Variants in OPA1 observed in about 807,000 individuals in gnomAD.
OPA1 encodes the protein OPA1 mitochondrial dynamin like GTPase.
In OPA1, 59 loss-of-function variants were observed where a neutral mutation model predicts 152.9. That is an observed-to-expected ratio of 0.39 (90% CI 0.31 to 0.48). The LOEUF (loss-of-function observed/expected upper bound fraction) is 0.48. Ranked by LOEUF, OPA1 falls within the 20% of genes least tolerant of loss-of-function variation. OPA1 has a pLI of 0.96. For synonymous variants in OPA1, 400 were observed against 389.9 expected (o/e 1.03, Z -0.31); for missense variants, 1,008 against 1,216.8 (o/e 0.83, Z 2.55).
chr3:193,692,037 G>A, intron 29 of OPA1, 26 bp from the exon 30 acceptor site: 1 of 1,316,062 alleles, frequency 7.6e-7, no homozygotes, highest in Non-Finnish European at 1.1e-6. Context: ...AAAAATAAAT[G>A]TTTTTCTTTA....
intron 3 of OPA1, 70 bp from the exon 4 acceptor site, chr3:193,617,108 A>C (rs1729147003): frequency 1.1e-5 from 10 of 909,658 alleles, no homozygotes; most frequent in African/African-American, 1.7e-5. Flanking sequence ...TTAATACTTT[A>C]GCCCTTTATA....
At chr3:193,645,255 T>G (rs563169137) in intron 16 of OPA1, among the ~76,000 whole-genome samples, 2 of 152,306 alleles carry the variant, frequency 1.3e-5, no homozygotes, top group African/African-American at 4.8e-5. Flanking sequence ...GTTGTTTACT[T>G]AAGGTCGCAT....
chr3:193,658,301 T>G (rs1714405904), intron 23 of OPA1, among the ~76,000 whole-genome samples: 1 of 151,910 alleles, frequency 6.6e-6, no homozygotes, highest in African/African-American at 2.4e-5. Context: ...AAATGCCTTA[T>G]TAAGACTGGC....
At chr3:193,661,723 C>G (rs971697400) in intron 25 of OPA1, among the ~76,000 whole-genome samples, 3 of 152,152 alleles carry the variant, frequency 2.0e-5, no homozygotes, top group African/African-American at 7.2e-5. Context: ...AAGAGTAGTT[C>G]TCTCTTCTAA....
chr3:193,645,449 C>T, intron 16 of OPA1, 104 bp from the exon 17 acceptor site: 1 of 747,422 alleles, frequency 1.3e-6, no homozygotes, highest in Non-Finnish European at 2.2e-6. Context: ...ATTTATTTAA[C>T]TATATACATG....
chr3:193,656,505 G>A (rs916346827), intron 22 of OPA1, among the ~76,000 whole-genome samples: 2 of 152,078 alleles, frequency 1.3e-5, no homozygotes, highest in African/African-American at 2.4e-5. Flanking sequence ...AATACTCTTC[G>A]GCTATGTTTT....
At chr3:193,626,935 C>T (rs115025062) in intron 7 of OPA1, among the ~76,000 whole-genome samples, 3,623 of 152,158 alleles carry the variant, frequency 0.024, 155 homozygotes, top group African/African-American at 0.083. Context: ...AATCCCACAA[C>T]GGAGATCCCA....
chr3:193,622,521 A>C (rs34520293), intron 6 of OPA1, among the ~76,000 whole-genome samples: 75,339 of 151,844 alleles, frequency 0.5, 19,065 homozygotes, highest in African/African-American at 0.57. Context: ...GCCACCCAGC[A>C]GTCTGATTCT....
chr3:193,662,846 G>T lies in OPA1; in HGVS notation c.2545G>T (p.Glu849Ter). Residue 849 changes from glutamate (E) to a stop codon, truncating the protein, a stop_gained, in exon 26 of 31, where the codon GAA becomes TAA. Coordinates refer to ENST00000361510, the MANE Select transcript of OPA1 (RefSeq NM_130837.3). LOFTEE classifies it high-confidence loss of function. Reference protein sequence around the residue: ...EQCVHNETKNELEKMLKCNEE... With the variant: ...EQCVHNETKN ...GTGTGTTCACAATGAAACCAAGAAT[G>T]AATTGGAGAAGATGTTGAAATGTAA... 6.2e-7 allele frequency: 1 copy of T among 1,613,334 alleles called. No homozygotes were observed. The highest frequency in any genetic ancestry group is 1.3e-5 in the African/African-American group (1 of 74,996).
At chr3:193,648,609 C>A (rs1711619743) in intron 20 of OPA1, 186 bp from the exon 21 acceptor site, 12 of 542,818 alleles carry the variant, frequency 2.2e-5, no homozygotes, top group Middle Eastern at 4.3e-4. Flanking sequence ...ATGTCAGTTT[C>A]TTTGTCCTTA....
In OPA1 at chr3:193,696,841, A is replaced by G. The variant is rs778074372; in HGVS notation, c.*2241A>G. On this transcript the variant is annotated 3_prime_UTR_variant, in exon 31 of 31. Transcript: ENST00000361510. ...CAAACTTAATTTGGCTAGGACTTCA[A>G]TTTTAAAAATCAGTGTACCTAGGCA... 2 of 152,252 alleles carry G rather than the reference A, an allele frequency of 1.3e-5. No homozygotes were observed. The highest frequency in any genetic ancestry group is 2.4e-5 in the African/African-American group (1 of 41,458). The allele number at this position is 152,252 out of a possible 1,614,324, so 9.4% of individuals were successfully genotyped here. A position where few individuals can be genotyped will look rare whatever the true frequency, so the allele number is the denominator to read the frequency against.
intron 1 of OPA1, among the ~76,000 whole-genome samples, chr3:193,601,062 C>T (rs960034221): frequency 9.2e-5 from 14 of 152,092 alleles, no homozygotes; most frequent in South Asian, 2.1e-4. Context: ...TAAGTGTTTT[C>T]GTTGAATATG....
chr3:193,666,153 A>T, intron 27 of OPA1, 143 bp from the exon 28 acceptor site: 1 of 718,358 alleles, frequency 1.4e-6, no homozygotes, highest in Non-Finnish European at 2.4e-6. Context: ...TCTGTAGCTT[A>T]TATCTACAGT....
At chr3:193,668,612 C>T (rs527404271) in intron 29 of OPA1, 180 of 1,530,948 alleles carry the variant, frequency 1.2e-4, no homozygotes, top group Admixed American at 9.2e-4. Flanking sequence ...CTTCGCCAGC[C>T]TGCACCAGGC....
intron 2 of OPA1, 67 bp from the exon 3 acceptor site, chr3:193,615,607 A>G: frequency 4.4e-6 from 4 of 906,244 alleles, no homozygotes; most frequent in South Asian, 2.6e-5. Flanking sequence ...TTTTAATTAA[A>G]TAATTTTTCT....
chr3:193,637,504 T>A (rs1281170324), intron 10 of OPA1, among the ~76,000 whole-genome samples: 1 of 151,994 alleles, frequency 6.6e-6, no homozygotes, highest in Non-Finnish European at 1.5e-5. Flanking sequence ...ACATTATATT[T>A]ATGAGTTACT....
chr3:193,609,525 C>T (rs1287204480), intron 1 of OPA1, among the ~76,000 whole-genome samples: 2 of 152,108 alleles, frequency 1.3e-5, no homozygotes, highest in Non-Finnish European at 2.9e-5. Context: ...CTTGGAGTTG[C>T]TCTTTTCGAG....
At chr3:193,651,025 A>G (rs556774592) in intron 21 of OPA1, among the ~76,000 whole-genome samples, 3 of 152,208 alleles carry the variant, frequency 2.0e-5, no homozygotes, top group African/African-American at 4.8e-5. Context: ...AAGGGCCACG[A>G]GATGAGAACA....
At chr3:193,639,067 A>G (rs1733365493) in intron 11 of OPA1, among the ~76,000 whole-genome samples, 1 of 152,168 alleles carries the variant, frequency 6.6e-6, no homozygotes, top group South Asian at 2.1e-4. Context: ...GGTGAAGGAG[A>G]TTGTGACTTG....
Sources: allele counts gnomAD v4.1 joint callset (sites outside exome capture counted in the v4.1 genomes callset), GRCh38; gene constraint gnomAD v4.1.1; transcripts MANE v1.5; gene names NCBI Gene and HGNC (gene_info 2026-07-23, HGNC 2026-07-21).